The following AGBL1 variants were observed in gnomAD, a reference collection of about 807,000 sequenced individuals.
AGBL1 encodes the protein AGBL carboxypeptidase 1, also known as cytosolic carboxypeptidase 4.
Under a neutral mutation model 118.9 loss-of-function variants are expected in AGBL1, and 130 were observed. The ratio of observed to expected loss-of-function variants is 1.09; its 90% CI spans 0.95 to 1.26. The LOEUF (loss-of-function observed/expected upper bound fraction) is 1.26. Ranked by LOEUF, AGBL1 falls within the 50% of genes most tolerant of loss-of-function variation. The pLI is 0.00. For missense variants in AGBL1, 1,584 were observed against 1,298.1 expected (o/e 1.22, Z -3.38); for synonymous variants, 555 against 478.9 (o/e 1.16, Z -2.08).
At chr15:86,313,127 G>C (rs183686139) in intron 17 of AGBL1, among the ~76,000 whole-genome samples, 195 of 152,180 alleles carry the variant, frequency 1.3e-3, no homozygotes, top group African/African-American at 4.5e-3. Flanking sequence ...GAGGTTTTGG[G>C]AACACTTTAG....
At chr15:86,234,513 T>C (rs1958183706) in intron 6 of AGBL1, among the ~76,000 whole-genome samples, 1 of 139,328 alleles carries the variant, frequency 7.2e-6, no homozygotes, top group South Asian at 2.2e-4. Context: ...ATCACACCAC[T>C]GCACTCCAGC....
intron 22 of AGBL1, among the ~76,000 whole-genome samples, chr15:86,690,212 A>C (rs939260653): frequency 1.3e-5 from 2 of 152,168 alleles, no homozygotes; most frequent in African/African-American, 2.4e-5. Flanking sequence ...AATGAAATTA[A>C]AGTCTTGCTT....
intron 21 of AGBL1, among the ~76,000 whole-genome samples, chr15:86,627,288 C>G (rs1434861443): frequency 6.6e-6 from 1 of 152,220 alleles, no homozygotes; most frequent in Non-Finnish European, 1.5e-5. Flanking sequence ...GTGTGAGCCA[C>G]TGTGCCCTGC....
At chr15:86,395,152 T>C (rs1032938595) in intron 17 of AGBL1, among the ~76,000 whole-genome samples, 1 of 152,090 alleles carries the variant, frequency 6.6e-6, no homozygotes, top group African/African-American at 2.4e-5. Context: ...CAGGATGAAG[T>C]CCAAATCCCT....
At chr15:86,431,000 G>C (rs932872812) in intron 18 of AGBL1, among the ~76,000 whole-genome samples, 1 of 152,216 alleles carries the variant, frequency 6.6e-6, no homozygotes, top group Non-Finnish European at 1.5e-5. Flanking sequence ...GAGATGGTAA[G>C]TAACTTACTC....
At chr15:86,095,381 T>A (rs1375212328) in intron 1 of AGBL1, among the ~76,000 whole-genome samples, 1 of 152,150 alleles carries the variant, frequency 6.6e-6, no homozygotes, top group African/African-American at 2.4e-5. Context: ...TTAGTCTTTC[T>A]GGCAACCAGA....
At chr15:86,122,186 C>T (rs577439323) in intron 1 of AGBL1, among the ~76,000 whole-genome samples, 12 of 152,100 alleles carry the variant, frequency 7.9e-5, no homozygotes, top group Non-Finnish European at 1.5e-4. Context: ...GTCCATTTCC[C>T]GACATGGTCA....
chr15:86,368,131 G>A (rs2080918701), intron 17 of AGBL1, among the ~76,000 whole-genome samples: 1 of 152,044 alleles, frequency 6.6e-6, no homozygotes, highest in Non-Finnish European at 1.5e-5. Flanking sequence ...AAGTCAGGAG[G>A]ATAAAGATGC....
chr15:86,236,941 GCGGGGGGGGGC>G (rs2078557019), intron 6 of AGBL1, among the ~76,000 whole-genome samples: 1 of 60,066 alleles, frequency 1.7e-5, no homozygotes, highest in Non-Finnish European at 3.4e-5. Flanking sequence ...GCGGGGGGGG[GCGGGGGGGGGC>G]GGGGGGGCGC....
At chr15:86,268,647 A>T (rs1371965034) in intron 13 of AGBL1, among the ~76,000 whole-genome samples, 1 of 152,154 alleles carries the variant, frequency 6.6e-6, no homozygotes, top group Non-Finnish European at 1.5e-5. Flanking sequence ...CACTGTGGGA[A>T]TAGCAGACAA....
chr15:86,819,127 A>G lies in AGBL1; in HGVS notation c.3159-87960A>G, dbSNP rs74862278. Among the ~76,000 whole-genome samples, 29 of 152,098 alleles carry G rather than the reference A, an allele frequency of 1.9e-4. No homozygotes were observed. The East Asian group carries it at 5.6e-3, about 29-fold the overall frequency. On this transcript the variant is annotated intron_variant, in intron 22 of 22. Coordinates refer to ENST00000614907, the MANE Select transcript of AGBL1 (RefSeq NM_001386094.1). ...CAGCATTTTTGTCCACAGGGAGCAG[A>G]AAAAGAAAGTGATGGGGGCAAAAAT...
intron 22 of AGBL1, among the ~76,000 whole-genome samples, chr15:86,902,048 C>G (rs1165330859): frequency 2.0e-5 from 3 of 151,682 alleles, no homozygotes; most frequent in African/African-American, 7.3e-5. Context: ...CAGGTTTGGG[C>G]TATTACAAAT....
At chr15:86,516,944 G>A (rs2083129343) in intron 18 of AGBL1, among the ~76,000 whole-genome samples, 1 of 152,168 alleles carries the variant, frequency 6.6e-6, no homozygotes. Flanking sequence ...TCCTGGTCGT[G>A]TGATCTTTTG....
At chr15:86,720,521 G>A (rs1048670195) in intron 22 of AGBL1, among the ~76,000 whole-genome samples, 6 of 152,160 alleles carry the variant, frequency 3.9e-5, no homozygotes, top group African/African-American at 1.2e-4. Flanking sequence ...CGCTGCCAAT[G>A]GGGCCACTTG....
At chr15:86,171,163 G>A (rs761659099) in intron 5 of AGBL1, among the ~76,000 whole-genome samples, 1 of 152,152 alleles carries the variant, frequency 6.6e-6, no homozygotes, top group Admixed American at 6.5e-5. Flanking sequence ...TAGGCAGAAG[G>A]AAAATGATAC....
At chr15:86,571,675 C>T (rs984464154) in intron 21 of AGBL1, among the ~76,000 whole-genome samples, 1 of 152,156 alleles carries the variant, frequency 6.6e-6, no homozygotes, top group Non-Finnish European at 1.5e-5. Flanking sequence ...CCTCTCTGTC[C>T]TCTGCTCAAG....
At chr15:86,861,749 C>T (rs1170635700) in intron 22 of AGBL1, among the ~76,000 whole-genome samples, 1 of 152,088 alleles carries the variant, frequency 6.6e-6, no homozygotes, top group Non-Finnish European at 1.5e-5. Context: ...AGTATGCCAC[C>T]CATACTCCTG....
chr15:86,463,539 C>T (rs2082359765), intron 18 of AGBL1, among the ~76,000 whole-genome samples: 1 of 152,090 alleles, frequency 6.6e-6, no homozygotes, highest in South Asian at 2.1e-4. Flanking sequence ...AATGGTATTA[C>T]TTAGGTTTTC....
At chr15:86,554,625 A>C in intron 21 of AGBL1, 88 bp downstream of exon 21, 1 of 1,270,166 alleles carries the variant, frequency 7.9e-7, no homozygotes, top group Non-Finnish European at 1.0e-6. Context: ...TCTCACCTAA[A>C]AGGGGAAGAA....
Sources: gnomAD v4.1 joint callset for allele counts (sites outside exome capture counted in the v4.1 genomes callset) on GRCh38, gnomAD v4.1.1 for gene constraint, MANE v1.5 for transcripts, NCBI Gene and HGNC (gene_info 2026-07-23, HGNC 2026-07-21) for gene names.